Variants in USP26 observed in about 807,000 individuals in gnomAD.
The protein encoded by USP26 is ubiquitin specific peptidase 26.
For synonymous variants in USP26, 236 were observed against 240.6 expected (o/e 0.98, Z 0.18); for missense variants, 649 against 642.3 (o/e 1.01, Z -0.11).
intron 5 of USP26, among the ~76,000 whole-genome samples, chrX:133,048,075 C>G (rs897155026): frequency 5.4e-5 from 6 of 111,479 alleles, no homozygotes; most frequent in African/African-American, 2.0e-4. Context: ...ATCAATTCCC[C>G]CCTCTCACTA....
chrX:133,035,189 A>T (rs897040662), intron 5 of USP26, among the ~76,000 whole-genome samples: 1 of 112,203 alleles, frequency 8.9e-6, no homozygotes, highest in Non-Finnish European at 1.9e-5. Flanking sequence ...AGGAGGCAAA[A>T]GTGAAAGCAA....
intron 5 of USP26, among the ~76,000 whole-genome samples, chrX:133,066,037 C>T (rs957458156): frequency 1.8e-5 from 2 of 111,614 alleles, no homozygotes; most frequent in African/African-American, 3.3e-5. Flanking sequence ...TCTCAGGATA[C>T]GAAATGAATG....
intron 5 of USP26, among the ~76,000 whole-genome samples, chrX:133,061,407 G>A (rs183003589): frequency 1.8e-5 from 2 of 112,452 alleles, no homozygotes; most frequent in East Asian, 2.8e-4. Flanking sequence ...ATGCTGACAC[G>A]CCCCCATCTG....
At chrX:133,030,972 C>T (rs1177415671) in intron 5 of USP26, among the ~76,000 whole-genome samples, 1 of 111,661 alleles carries the variant, frequency 9.0e-6, no homozygotes, top group African/African-American at 3.3e-5. Flanking sequence ...GTCAGTTCTC[C>T]TCTGCTGACA....
At chrX:133,037,738 G>T (rs1163111301) in intron 5 of USP26, among the ~76,000 whole-genome samples, 1 of 111,943 alleles carries the variant, frequency 8.9e-6, no homozygotes, top group Non-Finnish European at 1.9e-5. Flanking sequence ...GATGGGAATA[G>T]CATTGAATCT....
intron 5 of USP26, among the ~76,000 whole-genome samples, chrX:133,083,200 T>C (rs763315124): frequency 5.6e-4 from 63 of 112,198 alleles, no homozygotes; most frequent in Non-Finnish European, 8.6e-4. Flanking sequence ...AACTTCAGTA[T>C]AGTTAAAGCA....
At chrX:133,063,975 C>A (rs969619390) in intron 5 of USP26, among the ~76,000 whole-genome samples, 1 of 112,029 alleles carries the variant, frequency 8.9e-6, no homozygotes, top group Non-Finnish European at 1.9e-5. Context: ...ATGCTGTAAT[C>A]AGAAGACCTA....
intron 5 of USP26, among the ~76,000 whole-genome samples, chrX:133,077,508 G>A (rs974183516): frequency 2.7e-5 from 3 of 111,922 alleles, no homozygotes; most frequent in Non-Finnish European, 5.6e-5. Context: ...GAATCACCAG[G>A]ATTTCATTTT....
intron 1 of USP26, among the ~76,000 whole-genome samples, chrX:133,091,809 C>T (rs1045003901): frequency 8.9e-6 from 1 of 111,748 alleles, no homozygotes; most frequent in African/African-American, 3.2e-5. Context: ...AATGTAAGGA[C>T]ACCCTGAACT....
Position 133,024,086 on chromosome X carries a change from G to C in USP26, c.*1393C>G, listed in dbSNP as rs901129374. Among the ~76,000 whole-genome samples the C allele has an allele frequency of 4.5e-5, 5 of 111,267 alleles. No homozygotes were observed. The highest frequency in any genetic ancestry group is 1.6e-4 in the African/African-American group (5 of 30,581). ...GATGGCAAAATTATTAAATCCCCTG[G>C]ATTTTAATGAAATATGACCACCCTA... is the stretch of plus-strand genomic sequence containing the variant. On this transcript the variant is annotated 3_prime_UTR_variant, in exon 6 of 6. Transcript: ENST00000511190.
intron 4 of USP26, among the ~76,000 whole-genome samples, chrX:133,086,301 T>C (rs1033667762): frequency 8.9e-6 from 1 of 111,900 alleles, no homozygotes; most frequent in African/African-American, 3.3e-5. Flanking sequence ...CAAATGTTTC[T>C]TCCTTAATTT....
rs931070307 is a variant in USP26, at chrX:133,027,816, A to G, written c.405T>C (p.Val135=). 1.7e-6 allele frequency: 2 copies of G among 1,207,947 alleles called. No homozygotes were observed. Among genetic ancestry groups the G allele is most frequent in the African/African-American group, 1.7e-5 (1 of 57,161 alleles). The change falls in exon 6 of 6, where the codon GTT becomes GTC. Residue 135 remains valine, a synonymous_variant. Transcript: ENST00000511190. ...KEINKTSFHK[V]DEKSSSKSFE... ...AAGATTTGCTACTTGATTTCTCATC[A>G]ACTTTGTGGAATGAAGTTTTGTTGA...
intron 5 of USP26, among the ~76,000 whole-genome samples, chrX:133,076,801 C>G (rs1399138781): frequency 4.5e-5 from 5 of 111,689 alleles, no homozygotes; most frequent in African/African-American, 1.6e-4. Flanking sequence ...CAAGGTGCTC[C>G]CTGCAGATAA....
chrX:133,089,165 A>C (rs1826862599), intron 4 of USP26, among the ~76,000 whole-genome samples: 1 of 110,989 alleles, frequency 9.0e-6, no homozygotes. Flanking sequence ...TTCAGATTAC[A>C]TGATGCTACC....
intron 1 of USP26, among the ~76,000 whole-genome samples, chrX:133,091,802 G>A (rs1306680795): frequency 9.0e-6 from 1 of 111,597 alleles, no homozygotes; most frequent in Non-Finnish European, 1.9e-5. Context: ...CTCACACAAT[G>A]TAAGGACACC....
intron 5 of USP26, among the ~76,000 whole-genome samples, chrX:133,057,979 G>A (rs1195318202): frequency 8.9e-5 from 8 of 90,248 alleles, no homozygotes; most frequent in Non-Finnish European, 1.5e-4. Context: ...CCGGGTTCAC[G>A]CTGTTCTCCT....
At chrX:133,031,668 A>C (rs2067377026) in intron 5 of USP26, among the ~76,000 whole-genome samples, 1 of 112,105 alleles carries the variant, frequency 8.9e-6, no homozygotes. Context: ...GCATCCATTC[A>C]TTCATTAAAT....
chrX:133,096,150 C>T (rs1337476719), intron 1 of USP26, among the ~76,000 whole-genome samples: 1 of 101,694 alleles, frequency 9.8e-6, no homozygotes, highest in Non-Finnish European at 2.0e-5. Context: ...TTCCCACCTC[C>T]CAAAGCACTG....
At chrX:133,037,007 G>A (rs2067398335) in intron 5 of USP26, among the ~76,000 whole-genome samples, 1 of 111,766 alleles carries the variant, frequency 8.9e-6, no homozygotes, top group African/African-American at 3.3e-5. Context: ...TATCCTTCAC[G>A]CACTTTTTGA....
Sources: gnomAD v4.1 joint callset for allele counts (sites outside exome capture counted in the v4.1 genomes callset) on GRCh38, gnomAD v4.1.1 for gene constraint, MANE v1.5 for transcripts, NCBI Gene and HGNC (gene_info 2026-07-23, HGNC 2026-07-21) for gene names.